The following EPB41L3 variants were observed in gnomAD, a reference collection of about 807,000 sequenced individuals.
EPB41L3 encodes the protein erythrocyte membrane protein band 4.1 like 3.
In EPB41L3, 57 loss-of-function variants were observed where a neutral mutation model predicts 127.1. The ratio of observed to expected loss-of-function variants is 0.45; its 90% CI spans 0.36 to 0.56. The LOEUF is 0.56. EPB41L3 is among the 20% of genes least tolerant of loss of function. The pLI is 0.00. For missense variants in EPB41L3, 1,273 were observed against 1,372.2 expected (o/e 0.93, Z 1.14); for synonymous variants, 572 against 549.5 (o/e 1.04, Z -0.57).
intron 3 of EPB41L3, among the ~76,000 whole-genome samples, chr18:5,555,331 A>G (rs1241317198): frequency 6.6e-6 from 1 of 152,206 alleles, no homozygotes; most frequent in Non-Finnish European, 1.5e-5. Flanking sequence ...TCAAGAAAAC[A>G]TAAGGAGACA....
At chr18:5,421,438 G>A (rs535330700) in intron 11 of EPB41L3, among the ~76,000 whole-genome samples, 9 of 152,258 alleles carry the variant, frequency 5.9e-5, no homozygotes, top group African/African-American at 1.9e-4. Context: ...TGTTAACATC[G>A]ATATTTCAAT....
At chr18:5,481,766 C>T (rs1279791280) in intron 2 of EPB41L3, among the ~76,000 whole-genome samples, 4 of 151,818 alleles carry the variant, frequency 2.6e-5, no homozygotes, top group Non-Finnish European at 5.9e-5. Flanking sequence ...AGTCAGCCAT[C>T]CCACATTGCC....
intron 1 of EPB41L3, among the ~76,000 whole-genome samples, chr18:5,493,270 TTC>T (rs1452131106): frequency 5.3e-5 from 8 of 152,178 alleles, no homozygotes; most frequent in South Asian, 2.1e-4. Flanking sequence ...TAATATAAAT[TTC>T]TGTCATTTAT....
At chr18:5,531,287 T>G (rs950295606) in intron 1 of EPB41L3, among the ~76,000 whole-genome samples, 2 of 151,880 alleles carry the variant, frequency 1.3e-5, no homozygotes, top group African/African-American at 4.8e-5. Flanking sequence ...AGAGGAGGAG[T>G]TGTCACAGCC....
intron 3 of EPB41L3, among the ~76,000 whole-genome samples, chr18:5,595,927 C>T (rs1200617321): frequency 6.6e-6 from 1 of 152,156 alleles, no homozygotes; most frequent in Non-Finnish European, 1.5e-5. Context: ...TCTTCCACTC[C>T]ATCCCCACAT....
intron 16 of EPB41L3, chr18:5,399,740 A>T (rs2074183011): frequency 5.9e-6 from 1 of 168,972 alleles, no homozygotes. Flanking sequence ...ACTTAGCTTT[A>T]CATGTGTGGG....
intron 15 of EPB41L3, 114 bp from the exon 16 acceptor site, chr18:5,407,082 A>ATT: frequency 3.1e-6 from 3 of 969,842 alleles, no homozygotes; most frequent in Non-Finnish European, 4.7e-6. Context: ...AAATAAAACA[A>ATT]AATTTTGATC....
chr18:5,534,164 AAAAAAAG>A, intron 1 of EPB41L3, among the ~76,000 whole-genome samples: 1 of 152,222 alleles, frequency 6.6e-6, no homozygotes, highest in East Asian at 1.9e-4. Flanking sequence ...CTCCGTCTCA[AAAAAAAG>A]AAAAAAGAAA....
At chr18:5,430,725 G>A (rs542760052) in intron 8 of EPB41L3, among the ~76,000 whole-genome samples, 5 of 150,520 alleles carry the variant, frequency 3.3e-5, no homozygotes, top group South Asian at 4.2e-4. Context: ...CACCACACTC[G>A]ACATTTTTTT....
chr18:5,502,985 AAG>A (rs1444860950), intron 1 of EPB41L3, among the ~76,000 whole-genome samples: 1 of 152,144 alleles, frequency 6.6e-6, no homozygotes, highest in African/African-American at 2.4e-5. Context: ...CCACCATGAA[AAG>A]AGAGACTTAA....
At chr18:5,511,281 A>T (rs1216603504) in intron 1 of EPB41L3, among the ~76,000 whole-genome samples, 1 of 151,408 alleles carries the variant, frequency 6.6e-6, no homozygotes, top group Non-Finnish European at 1.5e-5. Context: ...AAGTGAATTA[A>T]TTTGATTTCT....
chr18:5,527,164 A>G lies in EPB41L3; in HGVS notation c.-12+16749T>C, dbSNP rs74761443. Among the ~76,000 whole-genome samples the G allele has an allele frequency of 7.4e-3, 1,134 of 152,240 alleles. 15 individuals carry two copies. The highest frequency in any genetic ancestry group is 0.025 in the African/African-American group (1,049 of 41,526). The stretch of plus-strand genomic sequence containing the variant: ...ATCCCAAAAAGCATAAAGAATCCCA[A>G]GTCCAAGTTAATTGAAAATGACCAA... On this transcript the variant is annotated intron_variant, in intron 1 of 22. Coordinates refer to ENST00000341928, the MANE Select transcript of EPB41L3 (RefSeq NM_012307.5).
At chr18:5,529,400 T>TA (rs991866443) in intron 1 of EPB41L3, among the ~76,000 whole-genome samples, 7 of 151,908 alleles carry the variant, frequency 4.6e-5, no homozygotes, top group Non-Finnish European at 1.0e-4. Flanking sequence ...GAGCACCAGG[T>TA]CCCCCCTCTG....
At chr18:5,578,950 C>T (rs1038051008) in intron 3 of EPB41L3, among the ~76,000 whole-genome samples, 2 of 152,182 alleles carry the variant, frequency 1.3e-5, no homozygotes, top group African/African-American at 4.8e-5. Flanking sequence ...GTTACAGTTA[C>T]CTTCAACAGT....
At chr18:5,559,592 T>C (rs1185790909) in intron 3 of EPB41L3, among the ~76,000 whole-genome samples, 1 of 152,234 alleles carries the variant, frequency 6.6e-6, no homozygotes, top group Non-Finnish European at 1.5e-5. Context: ...TGAAACAGTC[T>C]TTCTAAACGA....
intron 3 of EPB41L3, among the ~76,000 whole-genome samples, chr18:5,611,260 T>G (rs2094721967): frequency 6.6e-6 from 1 of 152,208 alleles, no homozygotes; most frequent in African/African-American, 2.4e-5. Flanking sequence ...CATTGATGGA[T>G]GAATGGACAA....
chr18:5,625,955 T>G (rs1221920678), intron 1 of EPB41L3, among the ~76,000 whole-genome samples: 3 of 152,160 alleles, frequency 2.0e-5, no homozygotes, highest in Admixed American at 6.5e-5. Flanking sequence ...TTTTTTTTTT[T>G]TGTCCATTCA....
chr18:5,417,057 C>T (rs1322116351), intron 12 of EPB41L3, among the ~76,000 whole-genome samples: 3 of 152,194 alleles, frequency 2.0e-5, no homozygotes, highest in Non-Finnish European at 4.4e-5. Flanking sequence ...TCTATTTTGG[C>T]TCCTTTATTT....
chr18:5,426,764 A>T (rs1311706759), intron 9 of EPB41L3, among the ~76,000 whole-genome samples: 1 of 152,230 alleles, frequency 6.6e-6, no homozygotes, highest in Non-Finnish European at 1.5e-5. Context: ...ACAAGGAACA[A>T]GGTCATATTT....
Sources: gnomAD v4.1 joint callset for allele counts (sites outside exome capture counted in the v4.1 genomes callset) on GRCh38, gnomAD v4.1.1 for gene constraint, MANE v1.5 for transcripts, NCBI Gene and HGNC (gene_info 2026-07-23, HGNC 2026-07-21) for gene names.